Variants in FRMD3 observed in about 807,000 individuals in gnomAD.
FRMD3 encodes FERM domain-containing protein 3.
Under a neutral mutation model 70.2 loss-of-function variants are expected in FRMD3, and 33 were observed. The observed-to-expected ratio is 0.47, with a 90% CI of 0.36 to 0.63. The LOEUF is 0.63. Among genes scored for constraint, FRMD3 ranks in the 20% least tolerant of loss-of-function variants. FRMD3 has a pLI of 0.00. For missense variants in FRMD3, 632 were observed against 711.4 expected, an observed-to-expected ratio of 0.89 and a Z score of 1.27; for synonymous variants, 279 against 255.9, an observed-to-expected ratio of 1.09 and a Z score of -0.86.
intron 10 of FRMD3, among the ~76,000 whole-genome samples, chr9:83,303,696 A>T (rs1249501696): frequency 6.6e-6 from 1 of 152,250 alleles, no homozygotes; most frequent in African/African-American, 2.4e-5. Context: ...TCTCAAAATA[A>T]CAGCTTTGTC....
intron 3 of FRMD3, among the ~76,000 whole-genome samples, chr9:83,360,996 C>T (rs1166088495): frequency 2.6e-5 from 4 of 152,124 alleles, no homozygotes; most frequent in Non-Finnish European, 5.9e-5. Context: ...GGTAGAATAA[C>T]AGATACCTGG....
upstream of FRMD3, among the ~76,000 whole-genome samples, chr9:83,542,198 T>C (rs950027542): frequency 2.0e-5 from 3 of 152,180 alleles, no homozygotes; most frequent in Non-Finnish European, 4.4e-5. Flanking sequence ...CGCTCAGTGA[T>C]AGTAACTGAT....
In FRMD3 at chr9:83,373,833, G is replaced by T. The variant is rs1825059349; in HGVS notation, c.253-878C>A. On this transcript the variant is annotated intron_variant, in intron 2 of 13. Coordinates refer to ENST00000304195, the MANE Select transcript of FRMD3 (RefSeq NM_174938.6). ...CCTTCTGGAGGCATCCCACCTGCTT[G>T]ATGCCGGAGAGGAAATCAGAAGAGC... Among the ~76,000 whole-genome samples the T allele has an allele frequency of 3.3e-5, 5 of 152,334 alleles. No individual in the cohort carries two copies. In the South Asian group the frequency reaches 1.0e-3, roughly 32 times the overall value.
chr9:83,422,245 G>T (rs556600624), intron 1 of FRMD3, among the ~76,000 whole-genome samples: 1 of 151,858 alleles, frequency 6.6e-6, no homozygotes, highest in Non-Finnish European at 1.5e-5. Context: ...CAAAAAAATC[G>T]CAGGGGCCCA....
Position 83,246,452 on chromosome 9 carries a change from G to C in FRMD3, c.*1466C>G. ...TTTAATGGTATCAAGGAAGGTACTA[G>C]AGCACTGGTCCCCTCTACAGTCTGG... On this transcript the variant is annotated 3_prime_UTR_variant, in exon 14 of 14. Coordinates refer to ENST00000304195, the MANE Select transcript of FRMD3 (RefSeq NM_174938.6). 3.0e-6 allele frequency: 3 copies of C among 984,572 alleles called. No individual in the cohort carries two copies. The South Asian group carries it at 1.4e-4, about 46-fold the overall frequency. 61.0% of individuals were successfully genotyped at this position (984,572 alleles called of 1,614,324 possible). A position where few individuals can be genotyped will look rare whatever the true frequency, so the allele number is the denominator to read the frequency against.
In FRMD3 at chr9:83,300,704, T is replaced by C. The variant is rs114949694; in HGVS notation, c.927-1518A>G. 5.6e-3 allele frequency among the ~76,000 whole-genome samples: 848 copies of C among 152,358 alleles called. 8 individuals are homozygous for C. The highest frequency in any genetic ancestry group is 0.019 in the African/African-American group (804 of 41,584). On this transcript the variant is annotated intron_variant, in intron 10 of 13. Transcript: ENST00000304195. ...AAGGTATTGAAATTTTTTAAAAATA[T>C]ATAAAATACATTTTTAAAAGACTCA...
At chr9:83,267,878 G>A (rs1833347541) in intron 13 of FRMD3, among the ~76,000 whole-genome samples, 1 of 152,186 alleles carries the variant, frequency 6.6e-6, no homozygotes, top group African/African-American at 2.4e-5. Context: ...TATGGTTGCT[G>A]TCATGGTAAT....
intron 2 of FRMD3, among the ~76,000 whole-genome samples, chr9:83,379,926 C>G (rs894566647): frequency 2.0e-5 from 3 of 152,152 alleles, no homozygotes; most frequent in Admixed American, 6.5e-5. Flanking sequence ...TGACTTTGCC[C>G]AGCATTACAC....
At chr9:83,395,666 C>G (rs555314610) in intron 1 of FRMD3, among the ~76,000 whole-genome samples, 1 of 152,186 alleles carries the variant, frequency 6.6e-6, no homozygotes, top group South Asian at 2.1e-4. Context: ...GCATTTACTT[C>G]AACTCCCAAG....
At chr9:83,365,350 G>A (rs745360029) in intron 3 of FRMD3, among the ~76,000 whole-genome samples, 19 of 151,754 alleles carry the variant, frequency 1.3e-4, no homozygotes, top group South Asian at 2.1e-4. Context: ...TCACATTTTC[G>A]TCCTACTGAT....
intron 1 of FRMD3, among the ~76,000 whole-genome samples, chr9:83,493,460 C>T (rs546092557): frequency 3.3e-5 from 5 of 152,226 alleles, no homozygotes; most frequent in East Asian, 1.9e-4. Context: ...GCTAACCTGG[C>T]GCTTCCCAAA....
At chr9:83,490,798 T>TCTCTCACACACACACACA (rs752047493) in intron 1 of FRMD3, among the ~76,000 whole-genome samples, 2 of 110,718 alleles carry the variant, frequency 1.8e-5, no homozygotes, top group African/African-American at 7.4e-5. Context: ...TCTCTCTCTC[T>TCTCTCACACACACACACA]CACACACACA....
chr9:83,308,284 A>G (rs1051546627), intron 10 of FRMD3, among the ~76,000 whole-genome samples: 1 of 152,222 alleles, frequency 6.6e-6, no homozygotes, highest in Non-Finnish European at 1.5e-5. Context: ...CCAAGGCCCC[A>G]TCTACCACCA....
chr9:83,325,248 A>G (rs1390298506), intron 6 of FRMD3, among the ~76,000 whole-genome samples: 1 of 152,226 alleles, frequency 6.6e-6, no homozygotes, highest in Non-Finnish European at 1.5e-5. Context: ...CTAAAAGCCC[A>G]CACTTCACCA....
chr9:83,464,201 T>C (rs1587879120), intron 1 of FRMD3, among the ~76,000 whole-genome samples: 2 of 152,214 alleles, frequency 1.3e-5, no homozygotes, highest in Admixed American at 1.3e-4. Flanking sequence ...TCATGAATTA[T>C]TTAACAGCTT....
chr9:83,506,368 A>T (rs766988535), intron 1 of FRMD3, among the ~76,000 whole-genome samples: 9 of 152,226 alleles, frequency 5.9e-5, no homozygotes, highest in Non-Finnish European at 1.3e-4. Context: ...TTCATTGTAC[A>T]AACCCAGCTG....
chr9:83,535,317 T>C (rs929151261), intron 1 of FRMD3, among the ~76,000 whole-genome samples: 1 of 152,240 alleles, frequency 6.6e-6, no homozygotes, highest in African/African-American at 2.4e-5. Context: ...TCCAGCACCT[T>C]GCTAGAGAAA....
chr9:83,472,950 C>T (rs1828305304), intron 1 of FRMD3, among the ~76,000 whole-genome samples: 1 of 152,154 alleles, frequency 6.6e-6, no homozygotes, highest in Admixed American at 6.5e-5. Context: ...TCTGCCTCTT[C>T]ATTTCCCTTC....
intron 13 of FRMD3, among the ~76,000 whole-genome samples, chr9:83,285,380 T>G (rs1161759301): frequency 6.6e-6 from 1 of 152,224 alleles, no homozygotes; most frequent in African/African-American, 2.4e-5. Context: ...CAAAAGCAGC[T>G]TCACATGACC....
Sources: allele counts gnomAD v4.1 joint callset (sites outside exome capture counted in the v4.1 genomes callset), GRCh38; gene constraint gnomAD v4.1.1; transcripts MANE v1.5; gene names NCBI Gene and HGNC (gene_info 2026-07-23, HGNC 2026-07-21).